The following PDE9A variants were observed in gnomAD, a reference collection of about 807,000 sequenced individuals.
The protein encoded by PDE9A is phosphodiesterase 9A, also known as high affinity cGMP-specific 3',5'-cyclic phosphodiesterase 9A.
Under a neutral mutation model 87.4 loss-of-function variants are expected in PDE9A, and 60 were observed. That is an observed-to-expected ratio of 0.69 (90% CI 0.56 to 0.85). The LOEUF is 0.85. Ranked by LOEUF, PDE9A falls within the 40% of genes least tolerant of loss-of-function variation. The pLI is 0.00. For synonymous variants in PDE9A, 272 were observed against 279.4 expected (o/e 0.97, Z 0.27); for missense variants, 665 against 779.0 (o/e 0.85, Z 1.74).
intron 4 of PDE9A, among the ~76,000 whole-genome samples, chr21:42,711,850 T>C (rs976073860): frequency 1.3e-5 from 2 of 152,166 alleles, no homozygotes; most frequent in African/African-American, 4.8e-5. Context: ...GGCTCCTTTG[T>C]TGAAAGTTAA....
intron 4 of PDE9A, among the ~76,000 whole-genome samples, chr21:42,708,446 A>G (rs1022429930): frequency 6.6e-6 from 1 of 152,158 alleles, no homozygotes; most frequent in Non-Finnish European, 1.5e-5. Flanking sequence ...CCCTGCTCCT[A>G]GGCATTTGTG....
At chr21:42,671,015 CTGT>C (rs762681249) in intron 1 of PDE9A, among the ~76,000 whole-genome samples, 59 of 152,284 alleles carry the variant, frequency 3.9e-4, no homozygotes, top group African/African-American at 7.9e-4. Flanking sequence ...TGATGTGAGA[CTGT>C]TGTTAATTTT....
intron 17 of PDE9A, among the ~76,000 whole-genome samples, chr21:42,769,366 C>T (rs1406927587): frequency 6.7e-6 from 1 of 149,066 alleles, no homozygotes; most frequent in East Asian, 2.0e-4. Context: ...CAGGCACACA[C>T]TTGTGCACAC....
At chr21:42,666,379 G>T (rs1003888076) in intron 1 of PDE9A, among the ~76,000 whole-genome samples, 1 of 152,286 alleles carries the variant, frequency 6.6e-6, no homozygotes, top group African/African-American at 2.4e-5. Flanking sequence ...AGGGCAGCTG[G>T]CTTGTTTCTG....
intron 4 of PDE9A, among the ~76,000 whole-genome samples, chr21:42,707,698 C>T (rs1257560036): frequency 6.6e-6 from 1 of 152,154 alleles, no homozygotes; most frequent in Non-Finnish European, 1.5e-5. Flanking sequence ...CAGGTCAAGC[C>T]CCCTGGCATA....
At position 42,661,215 on chromosome 21, in the gene PDE9A, G is replaced by A. The variant is rs2057456833; in HGVS notation, c.69+7332G>A. ...CCCGGCTAATTTTTTATTTTTAGTA[G>A]AGACGGGGTTTCAGCACCTTGACCA... On this transcript the variant is annotated intron_variant, in intron 1 of 19. Coordinates refer to ENST00000291539, the MANE Select transcript of PDE9A (RefSeq NM_002606.3). Among the ~76,000 whole-genome samples the A allele has an allele frequency of 2.0e-5, 3 of 151,912 alleles. No individual in the cohort carries two copies. The South Asian group carries it at 6.2e-4, about 32-fold the overall frequency.
At chr21:42,687,894 A>C (rs1184962842) in intron 2 of PDE9A, 23 bp from the exon 3 acceptor site, 2 of 1,609,674 alleles carry the variant, frequency 1.2e-6, no homozygotes, top group Admixed American at 3.3e-5. Flanking sequence ...GGGCGAAAAC[A>C]CGGGCTTGGG....
Position 42,769,110 on chromosome 21 carries a change from G to T in PDE9A, c.1545G>T (p.Gly515=), listed in dbSNP as rs1488866449. Reference sequence around the variant, plus strand: ...TGACCAAGGCCACAGCCCAGATTGGGTTCATCAAGTTTGTCCTGATCCCAA... The same window carrying T: ...TGACCAAGGCCACAGCCCAGATTGGTTTCATCAAGTTTGTCCTGATCCCAA... ...DKVTKATAQI[G]FIKFVLIPMF... is the part of the protein sequence containing the mutation. Residue 515 remains glycine (G), a synonymous_variant, in exon 17 of 20, where the codon GGG becomes GGT. Transcript: ENST00000291539. The T allele has an allele frequency of 1.2e-6, 2 of 1,613,774 alleles. No individual in the cohort carries two copies. The highest frequency in any genetic ancestry group is 1.7e-6 in the Non-Finnish European group (2 of 1,179,832).
In PDE9A at chr21:42,751,143, T is replaced by C; in HGVS notation, c.681T>C (p.Phe227=). The change falls in exon 9 of 20, where the codon TTT becomes TTC. Residue 227 remains phenylalanine, a synonymous_variant. Transcript: ENST00000291539. The stretch of plus-strand genomic sequence containing the variant: ...CCAACTGCCCCTGTAAGTACAGTTT[T>C]TTGGATAACCACAAGAAGTTGACTC... ...SRTNCPCKYS[F]LDNHKKLTPR... The C allele has an allele frequency of 6.2e-7, 1 of 1,612,930 alleles. No individual in the cohort carries two copies. Among genetic ancestry groups the C allele is most frequent in the Non-Finnish European group, 8.5e-7 (1 of 1,178,900 alleles).
intron 16 of PDE9A, 46 bp downstream of exon 16, chr21:42,768,338 C>T (rs1300102953): frequency 1.6e-6 from 2 of 1,238,574 alleles, no homozygotes; most frequent in Non-Finnish European, 2.4e-6. Flanking sequence ...CTCTTATTAG[C>T]CCCACTTAGT....
intron 8 of PDE9A, among the ~76,000 whole-genome samples, chr21:42,747,778 T>C (rs2146949982): frequency 6.6e-6 from 1 of 151,840 alleles, no homozygotes; most frequent in Non-Finnish European, 1.5e-5. Flanking sequence ...AGCTGGGGAG[T>C]CTGCAGGAGC....
chr21:42,727,568 A>G (rs2051276243), intron 4 of PDE9A, among the ~76,000 whole-genome samples: 1 of 135,860 alleles, frequency 7.4e-6, no homozygotes. Flanking sequence ...TCCTGGGCTC[A>G]AGCAACCCTC....
At chr21:42,774,819 T>C (rs2057357498) in intron 19 of PDE9A, among the ~76,000 whole-genome samples, 1 of 138,232 alleles carries the variant, frequency 7.2e-6, no homozygotes, top group Admixed American at 7.5e-5. Context: ...GAGGCGGAGG[T>C]TGCAGTGAGC....
intron 14 of PDE9A, among the ~76,000 whole-genome samples, chr21:42,764,775 T>C (rs1194348304): frequency 1.3e-5 from 2 of 152,230 alleles, no homozygotes; most frequent in Admixed American, 6.5e-5. Flanking sequence ...AATGCTTCAC[T>C]AATAACACAA....
chr21:42,662,793 A>G (rs1387116581), intron 1 of PDE9A, among the ~76,000 whole-genome samples: 2 of 118,774 alleles, frequency 1.7e-5, no homozygotes, highest in Non-Finnish European at 3.4e-5. Flanking sequence ...ACACACACCA[A>G]GCACACACAC....
chr21:42,761,234 G>A (rs1037986296), intron 13 of PDE9A, among the ~76,000 whole-genome samples: 3 of 152,258 alleles, frequency 2.0e-5, no homozygotes, highest in Non-Finnish European at 4.4e-5. Flanking sequence ...ACACCTGTCC[G>A]CATGCAGGGA....
chr21:42,770,631 C>T (rs552212490), intron 17 of PDE9A, 72 bp from the exon 18 acceptor site: 1 of 1,191,454 alleles, frequency 8.4e-7, no homozygotes, highest in African/African-American at 1.5e-5. Flanking sequence ...GCACCTGACA[C>T]CTGTTTTTCT....
In PDE9A at chr21:42,675,578, G is replaced by T. The variant is rs936998659; in HGVS notation, c.70-10614G>T. 6.6e-6 allele frequency among the ~76,000 whole-genome samples: 1 copy of T among 152,240 alleles called. No homozygotes were observed. The highest frequency in any genetic ancestry group is 1.5e-5 in the Non-Finnish European group (1 of 68,042). ...AATACCGCCAACCTGCTTTCCGACA[G>T]CGCTGTGTGGATACACGGGCCCGAA... On this transcript the variant is annotated intron_variant, in intron 1 of 19. Coordinates refer to ENST00000291539, the MANE Select transcript of PDE9A (RefSeq NM_002606.3). This position sits in a 1 kb window ranked among gnomAD's most constrained non-coding sequence, Gnocchi z 4.3.
chr21:42,751,865 G>T (rs1030007526), intron 9 of PDE9A, among the ~76,000 whole-genome samples: 2 of 150,330 alleles, frequency 1.3e-5, no homozygotes, highest in Non-Finnish European at 2.9e-5. Flanking sequence ...TCCTACCTCA[G>T]CCTCCCAAGT....
Sources: allele counts gnomAD v4.1 joint callset (sites outside exome capture counted in the v4.1 genomes callset), GRCh38; gene constraint gnomAD v4.1.1; non-coding constraint Gnocchi (gnomAD v3.1); transcripts MANE v1.5; gene names NCBI Gene and HGNC (gene_info 2026-07-23, HGNC 2026-07-21).